Variants in NTRK3 observed in about 807,000 individuals in gnomAD.
NTRK3 encodes the protein NT-3 growth factor receptor.
NTRK3 carries 24 observed loss-of-function variants against 91.7 expected under a neutral mutation model. The observed-to-expected ratio is 0.26, with a 90% CI of 0.19 to 0.37. NTRK3 has a LOEUF of 0.37. NTRK3 is among the 10% of genes least tolerant of loss of function. NTRK3 has a pLI of 1.00. For missense variants in NTRK3, 880 were observed against 1,068.9 expected, an observed-to-expected ratio of 0.82 and a Z score of 2.46; for synonymous variants, 483 against 404.0, an observed-to-expected ratio of 1.20 and a Z score of -2.34.
At chr15:87,900,278 G>T (rs1484097066) in intron 17 of NTRK3, among the ~76,000 whole-genome samples, 1 of 152,140 alleles carries the variant, frequency 6.6e-6, no homozygotes, top group Non-Finnish European at 1.5e-5. Flanking sequence ...CTTTCCCTGG[G>T]AAATGCCAGG....
chr15:88,196,277 T>G (rs1455143236), intron 3 of NTRK3, among the ~76,000 whole-genome samples: 2 of 152,266 alleles, frequency 1.3e-5, no homozygotes, highest in East Asian at 3.9e-4. Flanking sequence ...TCAGTGTGAT[T>G]AGTCAAGGTA....
intron 13 of NTRK3, among the ~76,000 whole-genome samples, chr15:88,065,032 T>C (rs2046527483): frequency 6.6e-6 from 1 of 152,210 alleles, no homozygotes; most frequent in Non-Finnish European, 1.5e-5. Context: ...TTGTACTGAA[T>C]CAAGATCTAT....
chr15:88,175,738 A>G (rs775121460), intron 5 of NTRK3, among the ~76,000 whole-genome samples: 1 of 152,212 alleles, frequency 6.6e-6, no homozygotes, highest in Non-Finnish European at 1.5e-5. Context: ...AATTCATTTA[A>G]TCTTGCTAAC....
At chr15:87,950,829 A>G (rs2071039082) in intron 14 of NTRK3, among the ~76,000 whole-genome samples, 1 of 152,094 alleles carries the variant, frequency 6.6e-6, no homozygotes, top group Non-Finnish European at 1.5e-5. Context: ...CTCCCTTATT[A>G]TTGTTACGGT....
At chr15:88,215,048 C>T (rs1023169900) in intron 3 of NTRK3, among the ~76,000 whole-genome samples, 4 of 152,196 alleles carry the variant, frequency 2.6e-5, no homozygotes, top group African/African-American at 9.7e-5. Context: ...TGCTCAAAGC[C>T]CCTATAGGCC....
At chr15:87,984,524 C>A (rs986427455) in intron 14 of NTRK3, among the ~76,000 whole-genome samples, 1 of 152,216 alleles carries the variant, frequency 6.6e-6, no homozygotes, top group East Asian at 1.9e-4. Flanking sequence ...GGTGAGTGAG[C>A]CCCAAACGCC....
At chr15:87,885,880 A>C (rs2065505962) in intron 17 of NTRK3, 145 bp from the exon 18 acceptor site, 2 of 390,874 alleles carry the variant, frequency 5.1e-6, no homozygotes, top group Non-Finnish European at 9.0e-6. Flanking sequence ...ACTTACAAAA[A>C]TTAAATTCTT....
At position 87,899,203 on chromosome 15, in the gene NTRK3, G is replaced by A. The variant is rs2066308209; in HGVS notation, c.2134-18775C>T. ...GATTGGATTTGGAACTTCTATGAGT[G>A]CAGGTAGATGGGCATAATTAGTGGT... On this transcript the variant is annotated intron_variant, in intron 17 of 18. Transcript: ENST00000394480. 1.3e-5 allele frequency among the ~76,000 whole-genome samples: 2 copies of A among 152,192 alleles called. 1 individual carries two copies. Among genetic ancestry groups the A allele is most frequent in the Admixed American group, 1.3e-4 (2 of 15,276 alleles).
rs1057183075 is a variant in NTRK3 at position 88,237,289 on chromosome 15, T to C, written c.248+18617A>G. Among the ~76,000 whole-genome samples the C allele has an allele frequency of 2.6e-5, 4 of 152,192 alleles. No individual in the cohort carries two copies. The highest frequency in any genetic ancestry group is 9.6e-5 in the African/African-American group (4 of 41,452). On this transcript the variant is annotated intron_variant, in intron 3 of 18. Coordinates refer to ENST00000394480, the Ensembl canonical transcript of NTRK3. This position sits in a 1 kb window ranked among gnomAD's most constrained non-coding sequence, Gnocchi z 4.0. ...ATGTTTGAGGATTTGCATAATAAAATGATGGGATGGGAGGGATCCTATGTA... is the reference window on the plus strand; with the variant it reads ...ATGTTTGAGGATTTGCATAATAAAACGATGGGATGGGAGGGATCCTATGTA...
chr15:88,152,763 C>T (rs1011724615), intron 5 of NTRK3, among the ~76,000 whole-genome samples: 4 of 152,210 alleles, frequency 2.6e-5, no homozygotes, highest in Non-Finnish European at 4.4e-5. Flanking sequence ...TTTTCTGTCA[C>T]CCCCTTGCTC....
chr15:87,930,374 G>T (rs1416395553), intron 16 of NTRK3, among the ~76,000 whole-genome samples: 2 of 152,198 alleles, frequency 1.3e-5, no homozygotes, highest in East Asian at 3.8e-4. Flanking sequence ...GGACCAAGGA[G>T]CCCTGGTGTA....
At chr15:88,203,160 G>A (rs1328974065) in intron 3 of NTRK3, among the ~76,000 whole-genome samples, 2 of 152,068 alleles carry the variant, frequency 1.3e-5, no homozygotes, top group Non-Finnish European at 2.9e-5. Context: ...TTGCTAGCTC[G>A]GTACACACTC....
chr15:88,023,484 C>A (rs2077758491), intron 14 of NTRK3, among the ~76,000 whole-genome samples: 1 of 152,150 alleles, frequency 6.6e-6, no homozygotes, highest in African/African-American at 2.4e-5. Flanking sequence ...CAAGCAGGGC[C>A]TGGAGATACT....
chr15:88,056,697 T>G (rs1330616513), intron 13 of NTRK3, among the ~76,000 whole-genome samples: 2 of 152,242 alleles, frequency 1.3e-5, no homozygotes, highest in East Asian at 3.9e-4. Context: ...TGAGAATCTC[T>G]GAGGCAAGAT....
intron 14 of NTRK3, among the ~76,000 whole-genome samples, chr15:87,945,196 GA>G (rs1278930470): frequency 6.6e-6 from 1 of 152,156 alleles, no homozygotes; most frequent in Non-Finnish European, 1.5e-5. Context: ...GGGTTCTTTG[GA>G]AAATTAAAAG....
chr15:87,864,962 T>A, exon 19 of NTRK3: 1 of 215,622 alleles, frequency 4.6e-6, no homozygotes, highest in Non-Finnish European at 9.4e-6. Flanking sequence ...GGGATGCTTT[T>A]TGTCTACTGA....
intron 13 of NTRK3, among the ~76,000 whole-genome samples, chr15:88,042,278 C>CA (rs2079706665): frequency 1.3e-5 from 2 of 152,168 alleles, no homozygotes; most frequent in Admixed American, 6.5e-5. Flanking sequence ...TCCTCAGAGG[C>CA]AAACAAAAGA....
At chr15:87,901,601 A>G (rs1161819641) in intron 17 of NTRK3, among the ~76,000 whole-genome samples, 1 of 152,214 alleles carries the variant, frequency 6.6e-6, no homozygotes, top group Admixed American at 6.5e-5. Flanking sequence ...GTGAACATGG[A>G]TATAGAACAA....
chr15:88,178,981 G>C (rs1349884203), intron 5 of NTRK3, among the ~76,000 whole-genome samples: 1 of 152,212 alleles, frequency 6.6e-6, no homozygotes, highest in Non-Finnish European at 1.5e-5. Context: ...CAGATTCAAA[G>C]GATTTAGAGT....
Sources: allele counts gnomAD v4.1 joint callset (sites outside exome capture counted in the v4.1 genomes callset), GRCh38; gene constraint gnomAD v4.1.1; non-coding constraint Gnocchi (gnomAD v3.1); transcripts MANE v1.5; gene names NCBI Gene and HGNC (gene_info 2026-07-23, HGNC 2026-07-21).